Variants in NAF1 observed in about 807,000 individuals in gnomAD.
The protein encoded by NAF1 is nuclear assembly factor 1 ribonucleoprotein.
NAF1 carries 11 observed loss-of-function variants against 40.6 expected under a neutral mutation model. The ratio of observed to expected loss-of-function variants is 0.27; its 90% CI spans 0.17 to 0.45. The LOEUF is 0.45. NAF1 is among the 20% of genes least tolerant of loss of function. NAF1 has a pLI of 1.00. For missense variants in NAF1, 607 were observed against 611.1 expected (o/e 0.99, Z 0.07); for synonymous variants, 260 against 228.5 (o/e 1.14, Z -1.24).
intron 2 of NAF1, among the ~76,000 whole-genome samples, chr4:163,115,628 G>A (rs1271769534): frequency 6.6e-6 from 1 of 152,070 alleles, no homozygotes; most frequent in African/African-American, 2.4e-5. Context: ...AGTTTATTTG[G>A]AAGGTTGGGC....
intron 7 of NAF1, among the ~76,000 whole-genome samples, chr4:163,129,767 G>A (rs1043220685): frequency 6.6e-6 from 1 of 152,132 alleles, no homozygotes; most frequent in Non-Finnish European, 1.5e-5. Flanking sequence ...ATCACATGGG[G>A]AACCTGAACT....
At chr4:163,133,481 C>G in intron 6 of NAF1, 2 of 410,766 alleles carry the variant, frequency 4.9e-6, no homozygotes, top group Admixed American at 7.7e-5. Context: ...AGTAATCAGC[C>G]TTCAGATATG....
At chr4:163,125,707 A>G (rs1354513574), downstream of NAF1, among the ~76,000 whole-genome samples, 5 of 152,242 alleles carry the variant, frequency 3.3e-5, no homozygotes. Context: ...TGCACTAAAC[A>G]CTAAACAACA....
At chr4:163,115,399 G>A (rs534450930) in intron 2 of NAF1, among the ~76,000 whole-genome samples, 284 of 151,100 alleles carry the variant, frequency 1.9e-3, no homozygotes, top group Admixed American at 3.0e-3. Flanking sequence ...TAGTAGAGAC[G>A]GGGTTTCACC....
chr4:163,111,680 C>A (rs985792385), intron 2 of NAF1, among the ~76,000 whole-genome samples: 2 of 152,068 alleles, frequency 1.3e-5, no homozygotes, highest in African/African-American at 2.4e-5. Flanking sequence ...GACCCTCCTA[C>A]CTTAAGAGAC....
downstream of NAF1, chr4:163,126,979 C>T (rs1192274347): frequency 2.6e-6 from 4 of 1,549,520 alleles, no homozygotes; most frequent in East Asian, 2.4e-5. Context: ...AGACACAATG[C>T]TATTGCATAC....
chr4:163,130,753 C>T (rs1426253836), intron 7 of NAF1, among the ~76,000 whole-genome samples: 5 of 152,220 alleles, frequency 3.3e-5, no homozygotes, highest in African/African-American at 1.2e-4. Flanking sequence ...AAGAATAAAT[C>T]TAGACAATAA....
At chr4:163,158,155 G>A (rs1732068338) in intron 2 of NAF1, 1 of 152,050 alleles carries the variant, frequency 6.6e-6, no homozygotes, top group African/African-American at 2.4e-5. Context: ...AGTGAGGAAG[G>A]TGGGATGAAA....
chr4:163,111,545 G>A (rs887776819), intron 2 of NAF1, among the ~76,000 whole-genome samples: 12 of 152,128 alleles, frequency 7.9e-5, no homozygotes, highest in African/African-American at 2.9e-4. Flanking sequence ...AATTCATTTT[G>A]GACGTTAACA....
At chr4:163,147,566 G>T (rs1271910258) in intron 3 of NAF1, among the ~76,000 whole-genome samples, 1 of 152,104 alleles carries the variant, frequency 6.6e-6, no homozygotes, top group Non-Finnish European at 1.5e-5. Context: ...ATTAATAACA[G>T]TATTAAATTA....
intron 2 of NAF1, among the ~76,000 whole-genome samples, chr4:163,162,198 C>T (rs1732254344): frequency 6.6e-6 from 1 of 152,176 alleles, no homozygotes; most frequent in Non-Finnish European, 1.5e-5. Flanking sequence ...GACAAAGAGG[C>T]AGACTCCTAA....
downstream of NAF1, among the ~76,000 whole-genome samples, chr4:163,127,740 C>T (rs767614528): frequency 2.0e-5 from 3 of 152,166 alleles, no homozygotes; most frequent in Non-Finnish European, 4.4e-5. Flanking sequence ...AAAGAGTCCC[C>T]TCAGCTCATG....
At chr4:163,125,408 T>C (rs531726101), downstream of NAF1, among the ~76,000 whole-genome samples, 3 of 152,278 alleles carry the variant, frequency 2.0e-5, no homozygotes, top group South Asian at 4.1e-4. Flanking sequence ...AACACAGGAA[T>C]AAGAAAGCAA....
intron 2 of NAF1, among the ~76,000 whole-genome samples, chr4:163,152,557 G>T (rs1171932650): frequency 6.6e-6 from 1 of 152,236 alleles, no homozygotes; most frequent in African/African-American, 2.4e-5. Context: ...GCCCACAAAG[G>T]TGAAGGTTCT....
At position 163,140,302 on chromosome 4, in the gene NAF1, T is replaced by C; in HGVS notation, c.799A>G (p.Ile267Val). 1.2e-6 allele frequency: 2 copies of C among 1,609,112 alleles called. No individual in the cohort carries two copies. The highest frequency in any genetic ancestry group is 1.1e-5 in the South Asian group (1 of 90,172). Residue 267 changes from isoleucine to valine, a missense_variant, in exon 5 of 8, where the codon ATT becomes GTT. By Grantham distance (29) the Ile-to-Val change is conservative (BLOSUM62 3). Transcript: ENST00000274054. ...NSSDHIESKG[I>V]KIKETMYFAP... Reference sequence around the variant, plus strand: ...AAATACATAGTCTCCTTTATTTTAATACCTTTACTCTCAATGTGATCTGAA... The same window carrying C: ...AAATACATAGTCTCCTTTATTTTAACACCTTTACTCTCAATGTGATCTGAA...
intron 2 of NAF1, among the ~76,000 whole-genome samples, chr4:163,163,185 A>G (rs1732297168): frequency 6.6e-6 from 1 of 152,320 alleles, no homozygotes; most frequent in South Asian, 2.1e-4. Context: ...AAAGACCACT[A>G]AGAAATATTA....
At position 163,129,107 on chromosome 4, in the gene NAF1, A is replaced by G. The variant is rs757376036; in HGVS notation, c.1275T>C (p.Pro425=). ...AATTATGCATGTCAAACACTGGAAGAGGAAAGGGGTATTGTGGCATAATGG... is the reference window on the plus strand; with the variant it reads ...AATTATGCATGTCAAACACTGGAAGGGGAAAGGGGTATTGTGGCATAATGG... ...NNPIMPQYPF[P]LPVFDMHNFP... Residue 425 remains proline (P), a synonymous_variant, in exon 8 of 8, where the codon CCT becomes CCC. Coordinates refer to ENST00000274054, the MANE Select transcript of NAF1 (RefSeq NM_138386.3). 3 of 1,612,536 alleles carry G rather than the reference A, an allele frequency of 1.9e-6. No homozygotes were observed. The South Asian group carries it at 3.3e-5, about 18-fold the overall frequency.
intron 2 of NAF1, among the ~76,000 whole-genome samples, chr4:163,162,593 AAATTTAT>A (rs1172437309): frequency 2.0e-5 from 3 of 152,220 alleles, no homozygotes; most frequent in Non-Finnish European, 4.4e-5. Flanking sequence ...TTTAGCAATT[AAATTTAT>A]TTGTCTCCAC....
chr4:163,166,277 G>C, intron 1 of NAF1, 86 bp downstream of exon 1: 1 of 1,471,164 alleles, frequency 6.8e-7, no homozygotes, highest in Non-Finnish European at 9.0e-7. Flanking sequence ...GCCCACACAA[G>C]CAACCTCTAG....
Sources: gnomAD v4.1 joint callset for allele counts (sites outside exome capture counted in the v4.1 genomes callset) on GRCh38, gnomAD v4.1.1 for gene constraint, MANE v1.5 for transcripts, NCBI Gene and HGNC (gene_info 2026-07-23, HGNC 2026-07-21) for gene names.